Variants in ZMYND8 observed in about 807,000 individuals in gnomAD.
ZMYND8 encodes the protein MYND-type zinc finger-containing chromatin reader ZMYND8.
ZMYND8 carries 37 observed loss-of-function variants against 140.8 expected under a neutral mutation model. The observed-to-expected ratio is 0.26, with a 90% CI of 0.20 to 0.35. The LOEUF (loss-of-function observed/expected upper bound fraction) is 0.35, where lower values mean the gene tolerates loss of function less well. ZMYND8 is among the 10% of genes least tolerant of loss of function. ZMYND8 has a pLI of 1.00. For missense variants in ZMYND8, 1,068 were observed against 1,570.0 expected (o/e 0.68, Z 5.40); for synonymous variants, 592 against 597.1 (o/e 0.99, Z 0.12).
chr20:47,306,163 G>C (rs1464497220), intron 3 of ZMYND8, among the ~76,000 whole-genome samples: 1 of 152,300 alleles, frequency 6.6e-6, no homozygotes, highest in Admixed American at 6.5e-5. Flanking sequence ...TGAAGCAGGA[G>C]AATCACTTCA....
chr20:47,226,223 G>C (rs1353742607), intron 18 of ZMYND8, among the ~76,000 whole-genome samples: 1 of 152,000 alleles, frequency 6.6e-6, no homozygotes, highest in East Asian at 1.9e-4. Flanking sequence ...TGAACCAAGG[G>C]CTCCTCTCCA....
chr20:47,291,931 T>C (rs1301541766), intron 5 of ZMYND8, 43 bp from the exon 6 acceptor site: 4 of 1,536,358 alleles, frequency 2.6e-6, no homozygotes, highest in East Asian at 2.3e-5. Context: ...CCATCATTAC[T>C]ATGGAAAACC....
Position 47,349,456 on chromosome 20 carries a change from C to T in ZMYND8, c.15-1530G>A, listed in dbSNP as rs537041280. 1.7e-4 allele frequency among the ~76,000 whole-genome samples: 26 copies of T among 152,288 alleles called. No individual in the cohort carries two copies. The South Asian group carries it at 2.7e-3, about 16-fold the overall frequency. ...ACATCGCTTATATGCAATAATACAACGGTGATTTATTGAAGGTTATTTCAG... is the reference window on the plus strand; with the variant it reads ...ACATCGCTTATATGCAATAATACAATGGTGATTTATTGAAGGTTATTTCAG... On this transcript the variant is annotated intron_variant, in intron 1 of 22. Transcript: ENST00000471951.
chr20:47,324,191 G>T (rs1460175495), intron 2 of ZMYND8, among the ~76,000 whole-genome samples: 1 of 119,442 alleles, frequency 8.4e-6, no homozygotes, highest in Non-Finnish European at 1.6e-5. Flanking sequence ...GCCAGAGCGA[G>T]ACTCTGTCTC....
chr20:47,224,255 C>T, intron 19 of ZMYND8, 62 bp downstream of exon 19: 1 of 1,602,686 alleles, frequency 6.2e-7, no homozygotes, highest in Non-Finnish European at 8.5e-7. Flanking sequence ...CTGAAGTCCA[C>T]AGGGGAGACC....
At chr20:47,268,842 C>T (rs555271463) in intron 11 of ZMYND8, among the ~76,000 whole-genome samples, 2 of 152,032 alleles carry the variant, frequency 1.3e-5, no homozygotes, top group South Asian at 4.2e-4. Context: ...CAAACAATCT[C>T]CCCAATGTTA....
intron 4 of ZMYND8, 108 bp from the exon 5 acceptor site, chr20:47,294,887 T>C: frequency 1.0e-6 from 1 of 985,052 alleles, no homozygotes; most frequent in Non-Finnish European, 1.6e-6. Flanking sequence ...GCAATTCTCA[T>C]CCCAATGAGA....
At chr20:47,232,580 T>A (rs1303919329) in intron 16 of ZMYND8, among the ~76,000 whole-genome samples, 1 of 151,766 alleles carries the variant, frequency 6.6e-6, no homozygotes, top group Non-Finnish European at 1.5e-5. Context: ...ATGCAGAAGG[T>A]AACAAAATTA....
chr20:47,224,674 G>C, intron 18 of ZMYND8, 118 bp from the exon 19 acceptor site: 3 of 1,533,144 alleles, frequency 2.0e-6, no homozygotes. Flanking sequence ...AGAAGCCCTG[G>C]CTGTGTGCCC....
intron 2 of ZMYND8, among the ~76,000 whole-genome samples, chr20:47,322,798 G>A (rs140034805): frequency 7.7e-4 from 118 of 152,274 alleles, no homozygotes; most frequent in African/African-American, 2.6e-3. Context: ...GACACAGCAC[G>A]CCCCACCTCC....
chr20:47,249,210 T>C, intron 13 of ZMYND8, 77 bp downstream of exon 13: 1 of 1,522,026 alleles, frequency 6.6e-7, no homozygotes. Context: ...TCAACCTTGA[T>C]TTCATCCAGG....
intron 11 of ZMYND8, among the ~76,000 whole-genome samples, chr20:47,262,866 C>T (rs6066253): frequency 1.3e-5 from 2 of 152,218 alleles, no homozygotes; most frequent in Non-Finnish European, 2.9e-5. Flanking sequence ...CACGCAGCCA[C>T]TGCACCTGCC....
At chr20:47,271,055 C>T (rs969925388) in intron 11 of ZMYND8, among the ~76,000 whole-genome samples, 23 of 151,354 alleles carry the variant, frequency 1.5e-4, no homozygotes, top group African/African-American at 5.3e-4. Context: ...CCAGCCTGGA[C>T]GACAGAGTGA....
rs1191207190 is a variant in ZMYND8, at chr20:47,210,301, G to T, written c.*460C>A. ...TGGGTATCCAAGGATGAGGACGTGA[G>T]TATGAAAGTGGTCCCCGGGCCCAGT... On this transcript the variant is annotated 3_prime_UTR_variant, in exon 23 of 23. Transcript: ENST00000471951. 1.2e-5 allele frequency: 2 copies of T among 165,310 alleles called. No individual in the cohort carries two copies. Among genetic ancestry groups the T allele is most frequent in the African/African-American group, 2.4e-5 (1 of 41,492 alleles). 10.2% of individuals were successfully genotyped at this position (165,310 alleles called of 1,614,324 possible). A position where few individuals can be genotyped will look rare whatever the true frequency, so the allele number is the denominator to read the frequency against.
Position 47,246,163 on chromosome 20 carries a change from A to G in ZMYND8, c.2129T>C (p.Leu710Pro), listed in dbSNP as rs1052517032. 1 of 1,614,020 alleles carries G rather than the reference A, an allele frequency of 6.2e-7. No individual in the cohort carries two copies. Among genetic ancestry groups the G allele is most frequent in the East Asian group, 2.2e-5 (1 of 44,880 alleles). Residue 710 changes from leucine (L) to proline (P), a missense_variant, in exon 14 of 23, where the codon CTG becomes CCG. This residue lies in a region of ZMYND8 where 383 missense variants were observed against 431.2 expected (regional missense o/e 0.89). Coordinates refer to ENST00000471951, the MANE Select transcript of ZMYND8 (RefSeq NM_001281775.3). The part of the protein sequence containing the change: ...KPSPHPIKDK[L>P]KGKDETDSPT... ...GGAATCCGTCTCATCTTTTCCCTTC[A>G]GTTTATCCTTTATGGGGTGAGGTGA...
chr20:47,282,543 G>T (rs896429461), intron 9 of ZMYND8, among the ~76,000 whole-genome samples: 7 of 152,016 alleles, frequency 4.6e-5, no homozygotes, highest in African/African-American at 1.7e-4. Context: ...TGGCCAACAT[G>T]GTGAAATCCC....
chr20:47,300,299 C>A (rs2077927819), intron 3 of ZMYND8, among the ~76,000 whole-genome samples: 2 of 152,216 alleles, frequency 1.3e-5, no homozygotes, highest in African/African-American at 4.8e-5. Context: ...AATTCCCTGG[C>A]AATAAAACCA....
intron 16 of ZMYND8, among the ~76,000 whole-genome samples, chr20:47,235,298 T>G (rs1238206836): frequency 1.3e-5 from 2 of 152,164 alleles, no homozygotes; most frequent in African/African-American, 4.8e-5. Context: ...TTCTGGTGGT[T>G]ATTATTACCA....
intron 3 of ZMYND8, 63 bp downstream of exon 3, chr20:47,309,993 T>C: frequency 1.2e-6 from 2 of 1,605,224 alleles, no homozygotes; most frequent in Non-Finnish European, 1.7e-6. Flanking sequence ...GATCCAGAGG[T>C]TCAGCGCTAC....
Sources: gnomAD v4.1 joint callset for allele counts (sites outside exome capture counted in the v4.1 genomes callset) on GRCh38, gnomAD v4.1.1 for gene constraint, gnomAD v4.1.1 regional missense constraint, MANE v1.5 for transcripts, NCBI Gene and HGNC (gene_info 2026-07-23, HGNC 2026-07-21) for gene names.